The following NWD2 variants were observed in gnomAD, a reference collection of about 807,000 sequenced individuals.
NWD2 encodes NACHT and WD repeat domain containing 2, also known as NACHT and WD repeat domain-containing protein 2.
A neutral mutation model predicts 132.7 loss-of-function variants in NWD2; 37 were observed. The ratio of observed to expected loss-of-function variants is 0.28; its 90% CI spans 0.21 to 0.37. The LOEUF is 0.37. NWD2 is among the 10% of genes least tolerant of loss of function. The probability of loss-of-function intolerance (pLI) is 1.00; values close to 1 mark genes in which losing one functional copy is unlikely to be tolerated. For synonymous variants in NWD2, 705 were observed against 803.0 expected, an observed-to-expected ratio of 0.88 and a Z score of 2.06; for missense variants, 1,592 against 2,122.4, an observed-to-expected ratio of 0.75 and a Z score of 4.91.
intron 1 of NWD2, among the ~76,000 whole-genome samples, chr4:37,304,736 G>T (rs1718674366): frequency 1.3e-5 from 2 of 152,314 alleles, no homozygotes. Flanking sequence ...AAGGCCTTGG[G>T]CAGTTGCACC....
intron 1 of NWD2, among the ~76,000 whole-genome samples, chr4:37,277,639 C>T (rs978811572): frequency 2.6e-5 from 4 of 151,954 alleles, no homozygotes; most frequent in Admixed American, 1.3e-4. Context: ...CATACTTTGC[C>T]ATTCTAAAAA....
intron 3 of NWD2, among the ~76,000 whole-genome samples, chr4:37,394,560 A>C (rs1720740837): frequency 6.6e-6 from 1 of 152,198 alleles, no homozygotes; most frequent in Admixed American, 6.5e-5. Context: ...GTTAATTAAA[A>C]GAAGGGCTAT....
rs1216509073 is a variant in NWD2, at chr4:37,439,040, A to G, written c.946A>G (p.Arg316Gly). 6.4e-7 allele frequency: 1 copy of G among 1,551,800 alleles called. No homozygotes were observed. Among genetic ancestry groups the G allele is most frequent in the Non-Finnish European group, 8.7e-7 (1 of 1,146,978 alleles). Residue 316 changes from arginine to glycine, a missense_variant, in exon 6 of 7, where the codon AGA becomes GGA. Around this residue, in one of 7 missense-constraint regions of NWD2, gnomAD observed 1,071 missense variants for 1,398.0 expected, o/e 0.77. Coordinates refer to ENST00000309447, the MANE Select transcript of NWD2 (RefSeq NM_001144990.2). The surrounding 1 kb of genome is among the most constrained non-coding windows in gnomAD (Gnocchi z 4.5). Reference protein sequence around the residue: ...IPTIVASSNLRVYTSVTHCDM... With the variant: ...IPTIVASSNLGVYTSVTHCDM... ...TACTATTGTTGCATCATCTAATCTG[A>G]GAGTGTACACATCTGTTACTCATTG... is the stretch of plus-strand genomic sequence containing the variant.
At chr4:37,402,331 G>A (rs1444198916) in intron 3 of NWD2, among the ~76,000 whole-genome samples, 2 of 152,152 alleles carry the variant, frequency 1.3e-5, no homozygotes, top group Non-Finnish European at 2.9e-5. Context: ...TTTCATTATA[G>A]CACTGCCTTC....
At chr4:37,411,512 A>C (rs1278838601) in intron 3 of NWD2, among the ~76,000 whole-genome samples, 1 of 152,222 alleles carries the variant, frequency 6.6e-6, no homozygotes, top group Non-Finnish European at 1.5e-5. Context: ...AACCAAAAAA[A>C]GTCCAGGACC....
chr4:37,441,224 G>A (rs545807480), intron 6 of NWD2, among the ~76,000 whole-genome samples: 1 of 152,206 alleles, frequency 6.6e-6, no homozygotes, highest in South Asian at 2.1e-4. Context: ...TGTATTTAGG[G>A]TCCACATTGC....
chr4:37,301,246 G>C (rs1393410708), intron 1 of NWD2, among the ~76,000 whole-genome samples: 1 of 152,000 alleles, frequency 6.6e-6, no homozygotes, highest in African/African-American at 2.4e-5. Flanking sequence ...TCTAAGATCT[G>C]TTGTTTTTAG....
intron 1 of NWD2, among the ~76,000 whole-genome samples, chr4:37,276,182 AT>A (rs1372363844): frequency 6.6e-6 from 1 of 152,114 alleles, no homozygotes. Context: ...ATGGGAGAAA[AT>A]TTTTGCAATC....
At chr4:37,394,793 T>C (rs1361114507) in intron 3 of NWD2, among the ~76,000 whole-genome samples, 4 of 131,014 alleles carry the variant, frequency 3.1e-5, no homozygotes, top group East Asian at 2.2e-4. Context: ...ATAGTGAACC[T>C]TTATGGTTTT....
At chr4:37,297,548 C>G (rs2109275044) in intron 1 of NWD2, among the ~76,000 whole-genome samples, 1 of 152,192 alleles carries the variant, frequency 6.6e-6, no homozygotes, top group Non-Finnish European at 1.5e-5. Context: ...AGGAAGTGAA[C>G]AGGAATTCAG....
intron 1 of NWD2, among the ~76,000 whole-genome samples, chr4:37,259,329 CTT>C (rs1219594002): frequency 6.6e-6 from 1 of 152,210 alleles, no homozygotes; most frequent in Non-Finnish European, 1.5e-5. Flanking sequence ...TTGCTTAAAA[CTT>C]TTCCAAATAT....
rs1163855122 is a variant in NWD2, at chr4:37,292,229, G to A, written c.152-33707G>A. On this transcript the variant is annotated intron_variant, in intron 1 of 6. Transcript: ENST00000309447. ...GGGACCAATGAGTTTGCTATGATCTGAATGCAACCTCCCAAAATTTATATG... is the reference window on the plus strand; with the variant it reads ...GGGACCAATGAGTTTGCTATGATCTAAATGCAACCTCCCAAAATTTATATG... Among the ~76,000 whole-genome samples the A allele has an allele frequency of 7.2e-5, 11 of 152,126 alleles. No individual in the cohort carries two copies. The East Asian group carries it at 2.1e-3, about 29-fold the overall frequency.
intron 3 of NWD2, among the ~76,000 whole-genome samples, chr4:37,403,314 G>T (rs902565635): frequency 2.0e-5 from 3 of 152,166 alleles, no homozygotes; most frequent in Admixed American, 1.3e-4. Context: ...TAGTGATATG[G>T]ATCAAGGGAA....
At chr4:37,361,818 G>A (rs2109302535) in intron 3 of NWD2, among the ~76,000 whole-genome samples, 1 of 152,262 alleles carries the variant, frequency 6.6e-6, no homozygotes, top group African/African-American at 2.4e-5. Flanking sequence ...GGAAGTGCTA[G>A]CTAGAGAAAT....
intron 3 of NWD2, among the ~76,000 whole-genome samples, chr4:37,372,601 G>C (rs1198784801): frequency 6.6e-6 from 1 of 152,170 alleles, no homozygotes; most frequent in Non-Finnish European, 1.5e-5. Context: ...AATATTGGCC[G>C]CTACTAGTAA....
chr4:37,250,397 C>T (rs544487320), intron 1 of NWD2, among the ~76,000 whole-genome samples: 1 of 152,252 alleles, frequency 6.6e-6, no homozygotes, highest in South Asian at 2.1e-4. Flanking sequence ...GCCAGGTTTC[C>T]TGCATTTAAA....
At chr4:37,381,615 T>C (rs1442337675) in intron 3 of NWD2, among the ~76,000 whole-genome samples, 1 of 152,204 alleles carries the variant, frequency 6.6e-6, no homozygotes, top group Non-Finnish European at 1.5e-5. Flanking sequence ...AGGACAGAAA[T>C]ACACAATTAT....
At chr4:37,329,920 A>G (rs1719257207) in intron 2 of NWD2, among the ~76,000 whole-genome samples, 1 of 152,230 alleles carries the variant, frequency 6.6e-6, no homozygotes, top group Admixed American at 6.5e-5. Context: ...ACCTGCCTAT[A>G]AGTGCCAAAT....
chr4:37,350,426 T>A (rs144705930), intron 2 of NWD2, among the ~76,000 whole-genome samples: 4,010 of 152,296 alleles, frequency 0.026, 179 homozygotes, highest in African/African-American at 0.091. Context: ...TTTCTAGGTA[T>A]TTTATTCTCT....
Sources: allele counts gnomAD v4.1 joint callset (sites outside exome capture counted in the v4.1 genomes callset), GRCh38; gene constraint gnomAD v4.1.1; regional missense constraint gnomAD v4.1.1; non-coding constraint Gnocchi (gnomAD v3.1); transcripts MANE v1.5; gene names NCBI Gene and HGNC (gene_info 2026-07-23, HGNC 2026-07-21).